Variants in RUNX2 observed in about 807,000 individuals in gnomAD.
RUNX2 encodes the protein runt-related transcription factor 2.
Under a neutral mutation model 51.7 loss-of-function variants are expected in RUNX2, and 10 were observed. The ratio of observed to expected loss-of-function variants is 0.19; its 90% CI spans 0.12 to 0.33. The LOEUF (loss-of-function observed/expected upper bound fraction) is 0.33, where lower values mean the gene tolerates loss of function less well. RUNX2 is among the 10% of genes least tolerant of loss of function. The pLI is 1.00. For missense variants in RUNX2, 562 were observed against 691.3 expected, an observed-to-expected ratio of 0.81 and a Z score of 2.10; for synonymous variants, 276 against 273.6, an observed-to-expected ratio of 1.01 and a Z score of -0.09.
intron 2 of RUNX2, among the ~76,000 whole-genome samples, chr6:45,365,799 T>C (rs1339648536): frequency 6.6e-6 from 1 of 151,540 alleles, no homozygotes; most frequent in Non-Finnish European, 1.5e-5. Context: ...AGATACAAAA[T>C]TAGAAAACTA....
Position 45,481,640 on chromosome 6 carries a change from T to G in RUNX2, c.686-10301T>G, listed in dbSNP as rs564765248. Among the ~76,000 whole-genome samples, 15 of 152,222 alleles carry G rather than the reference T, an allele frequency of 9.9e-5. No individual in the cohort carries two copies. The South Asian group carries it at 3.1e-3, about 32-fold the overall frequency. On this transcript the variant is annotated intron_variant, in intron 5 of 8. Transcript: ENST00000647337. ...TAGGAGAACAAGTGATAAAACGGAG[T>G]CAGAGAGACTGGGCATAATGTAATA...
At chr6:45,340,789 T>A (rs889021850) in intron 2 of RUNX2, among the ~76,000 whole-genome samples, 3 of 152,144 alleles carry the variant, frequency 2.0e-5, no homozygotes, top group African/African-American at 7.2e-5. Context: ...GAATGTCTAA[T>A]CCTCATTTAT....
chr6:45,355,871 TATTA>T (rs1296141300), intron 2 of RUNX2, among the ~76,000 whole-genome samples: 1 of 152,168 alleles, frequency 6.6e-6, no homozygotes, highest in East Asian at 1.9e-4. Flanking sequence ...AATAAATAAA[TATTA>T]ATTGATTGCC....
chr6:45,525,304 G>A (rs1257301164), intron 7 of RUNX2, among the ~76,000 whole-genome samples: 3 of 152,148 alleles, frequency 2.0e-5, no homozygotes, highest in African/African-American at 7.2e-5. Context: ...TTTGAATTGG[G>A]TCTTGCCTCC....
In RUNX2 at chr6:45,541,892, C is replaced by T. The variant is rs549701057; in HGVS notation, c.1022-3325C>T. 9.2e-5 allele frequency among the ~76,000 whole-genome samples: 14 copies of T among 152,264 alleles called. No homozygotes were observed. In the East Asian group the frequency reaches 1.7e-3, roughly 19 times the overall value. The stretch of plus-strand genomic sequence containing the variant: ...TCTAGAGATCTCCTTACCCATTTTC[C>T]GTCAACCAACCATATTTATTGGGGG... On this transcript the variant is annotated intron_variant, in intron 7 of 8. Coordinates refer to ENST00000647337, the MANE Select transcript of RUNX2 (RefSeq NM_001024630.4).
chr6:45,416,616 C>T (rs750262613), intron 2 of RUNX2, among the ~76,000 whole-genome samples: 6 of 152,150 alleles, frequency 3.9e-5, no homozygotes, highest in Non-Finnish European at 5.9e-5. Flanking sequence ...AGGACAATTG[C>T]CAACACCAAA....
intron 5 of RUNX2, among the ~76,000 whole-genome samples, chr6:45,444,767 C>T (rs1342877154): frequency 6.6e-6 from 1 of 151,716 alleles, no homozygotes; most frequent in Non-Finnish European, 1.5e-5. Context: ...ACAGACTTAA[C>T]GAAACAGGTG....
intron 2 of RUNX2, among the ~76,000 whole-genome samples, chr6:45,418,605 C>T (rs944237154): frequency 5.3e-5 from 8 of 152,174 alleles, no homozygotes; most frequent in Non-Finnish European, 8.8e-5. Context: ...TATGTGCCTA[C>T]GATTAACAGG....
At chr6:45,366,261 G>A (rs2150283272) in intron 2 of RUNX2, among the ~76,000 whole-genome samples, 1 of 152,316 alleles carries the variant, frequency 6.6e-6, no homozygotes, top group South Asian at 2.1e-4. Flanking sequence ...AGTAAACTAA[G>A]AGGGCAGGTT....
intron 2 of RUNX2, among the ~76,000 whole-genome samples, chr6:45,415,525 G>A (rs994707167): frequency 6.6e-6 from 1 of 152,148 alleles, no homozygotes; most frequent in African/African-American, 2.4e-5. Context: ...CAGCCCAGGA[G>A]GGGAGGGTGC....
rs772926106 is a variant in RUNX2 at position 45,437,977 on chromosome 6, T to G, written c.611T>G (p.Phe204Cys). 6.2e-7 allele frequency: 1 copy of G among 1,613,522 alleles called. No individual in the cohort carries two copies. Among genetic ancestry groups the G allele is most frequent in the South Asian group, 1.1e-5 (1 of 91,080 alleles). The change falls in exon 5 of 9, where the codon TTC becomes TGC. Residue 204 changes from phenylalanine to cysteine, a missense_variant. Phe to Cys is a radical substitution (Grantham distance 205). Around this residue, in one of 5 missense-constraint regions of RUNX2, gnomAD observed 37 missense variants for 66.5 expected, o/e 0.56. Transcript: ENST00000647337. ...GKSFTLTITV[F>C]TNPPQVATYH... ...AGTTTCACCTTGACCATAACCGTCT[T>G]CACAAATCCTCCCCAAGTAGCTACC...
intron 2 of RUNX2, among the ~76,000 whole-genome samples, chr6:45,369,684 G>A (rs539159896): frequency 5.0e-4 from 76 of 152,154 alleles, no homozygotes; most frequent in African/African-American, 1.7e-3. Flanking sequence ...AAGTATTTAC[G>A]GGGCACCTAC....
At chr6:45,363,457 A>G (rs764994840) in intron 2 of RUNX2, among the ~76,000 whole-genome samples, 20 of 152,192 alleles carry the variant, frequency 1.3e-4, no homozygotes, top group Non-Finnish European at 2.5e-4. Flanking sequence ...TGTTAAAGCC[A>G]GATTATGGAT....
At chr6:45,383,991 A>G (rs1797295163) in intron 2 of RUNX2, among the ~76,000 whole-genome samples, 1 of 152,236 alleles carries the variant, frequency 6.6e-6, no homozygotes, top group Admixed American at 6.5e-5. Context: ...TTACAGATGC[A>G]GCATAAGCTG....
chr6:45,387,970 C>T (rs1169933647), intron 2 of RUNX2, among the ~76,000 whole-genome samples: 1 of 152,034 alleles, frequency 6.6e-6, no homozygotes, highest in Non-Finnish European at 1.5e-5. Flanking sequence ...AAGAAATTGG[C>T]CTGTGAAAGA....
chr6:45,334,449 CAAAA>C lies in RUNX2; in HGVS notation c.58+5682_58+5685del, dbSNP rs551014969. 2.0e-4 allele frequency among the ~76,000 whole-genome samples: 18 copies of C among 91,720 alleles called. No individual in the cohort carries two copies. In the East Asian group the frequency reaches 2.5e-3, roughly 13 times the overall value. 60.2% of individuals were successfully genotyped at this position (91,720 alleles called of 152,430 possible). On this transcript the variant is annotated intron_variant, in intron 2 of 8. Coordinates refer to ENST00000647337, the MANE Select transcript of RUNX2 (RefSeq NM_001024630.4). ...CATCTATTTTGTGCTTCAGGAAAAG[CAAAA>C]AAAAAAAAAAAAAAAAGACAAAGTT...
chr6:45,365,155 A>G lies in RUNX2; in HGVS notation c.58+36371A>G, dbSNP rs775426693. 53 of 1,168,130 alleles carry G rather than the reference A, an allele frequency of 4.5e-5. No individual in the cohort carries two copies. The Middle Eastern group carries it at 1.8e-3, about 40-fold the overall frequency. The allele number at this position is 1,168,130 out of a possible 1,614,324, so 72.4% of individuals were successfully genotyped here. Reference sequence around the variant, plus strand: ...TTATGTCTATTGTCTTTCAACATGAATAAATTTAAAATAGTAATAGCAATA... The same window carrying G: ...TTATGTCTATTGTCTTTCAACATGAGTAAATTTAAAATAGTAATAGCAATA... On this transcript the variant is annotated intron_variant, in intron 2 of 8. Coordinates refer to ENST00000647337, the MANE Select transcript of RUNX2 (RefSeq NM_001024630.4).
At chr6:45,387,848 T>C (rs1015083486) in intron 2 of RUNX2, among the ~76,000 whole-genome samples, 4 of 152,218 alleles carry the variant, frequency 2.6e-5, no homozygotes, top group Non-Finnish European at 5.9e-5. Flanking sequence ...TCAGGATTAA[T>C]TGGACTTAGC....
At chr6:45,399,783 G>GAAGGAAAGA in intron 2 of RUNX2, among the ~76,000 whole-genome samples, 2 of 145,744 alleles carry the variant, frequency 1.4e-5, no homozygotes, top group Admixed American at 6.8e-5. Context: ...GGGAGGGAGG[G>GAAGGAAAGA]AGGAAAGGAG....
Sources: gnomAD v4.1 joint callset for allele counts (sites outside exome capture counted in the v4.1 genomes callset) on GRCh38, gnomAD v4.1.1 for gene constraint, gnomAD v4.1.1 regional missense constraint, MANE v1.5 for transcripts, NCBI Gene and HGNC (gene_info 2026-07-23, HGNC 2026-07-21) for gene names.